Variants in NGEF observed in about 807,000 individuals in gnomAD.
NGEF encodes neuronal guanine nucleotide exchange factor, also known as ephexin-1.
A neutral mutation model predicts 80.9 loss-of-function variants in NGEF; 31 were observed. The observed-to-expected ratio is 0.38, with a 90% CI of 0.29 to 0.52. The LOEUF (loss-of-function observed/expected upper bound fraction) is 0.52, where lower values mean the gene tolerates loss of function less well. NGEF is among the 20% of genes least tolerant of loss of function. The pLI is 0.84. For synonymous variants in NGEF, 371 were observed against 370.2 expected (o/e 1.00, Z -0.03); for missense variants, 709 against 926.2 (o/e 0.77, Z 3.04).
At chr2:232,882,324 T>A in intron 12 of NGEF, 59 bp from the exon 13 acceptor site, 1 of 1,471,278 alleles carries the variant, frequency 6.8e-7, no homozygotes, top group Admixed American at 1.8e-5. Flanking sequence ...CCCCAACGTG[T>A]GGCACGAGGC....
intron 1 of NGEF, among the ~76,000 whole-genome samples, chr2:232,990,605 A>G (rs1266934792): frequency 1.3e-5 from 2 of 152,116 alleles, no homozygotes; most frequent in Non-Finnish European, 2.9e-5. Context: ...TCTCCCAAAT[A>G]TCATTAAATG....
Position 232,974,735 on chromosome 2 carries a change from CTCTTTG to C in NGEF, c.150_155del (p.Asp50_Lys51del), listed in dbSNP as rs752163881. The C allele has an allele frequency of 1.2e-6, 2 of 1,614,216 alleles. No individual in the cohort carries two copies. The highest frequency in any genetic ancestry group is 2.2e-5 in the South Asian group (2 of 91,088). Reference sequence around the variant, plus strand: ...TCTTAATTGGGATGTGGCAATGAGGCTCTTTGTCTTGGATATCCTGGTCAGCTTGAG... The same window carrying C: ...TCTTAATTGGGATGTGGCAATGAGGCTCTTGGATATCCTGGTCAGCTTGAG... On this transcript the variant is annotated inframe_deletion, in exon 2 of 15. Transcript: ENST00000264051.
At chr2:232,945,808 C>G (rs1051544101) in intron 3 of NGEF, among the ~76,000 whole-genome samples, 2 of 152,074 alleles carry the variant, frequency 1.3e-5, no homozygotes, top group Non-Finnish European at 2.9e-5. Context: ...TGGAGTCATT[C>G]TGAAATTGTT....
chr2:232,927,138 C>T lies in NGEF; in HGVS notation c.432G>A (p.Pro144=), dbSNP rs746623561. 7 of 1,611,450 alleles carry T rather than the reference C, an allele frequency of 4.3e-6. No homozygotes were observed. In the South Asian group the frequency reaches 4.4e-5, roughly 10 times the overall value. Residue 144 remains proline, a synonymous_variant, in exon 4 of 15, where the codon CCG becomes CCA. Coordinates refer to ENST00000264051, the MANE Select transcript of NGEF (RefSeq NM_019850.3). ...PGNGATPEEW[P]ALADSPTTLT... ...GCGTGGTGGGGCTGTCGGCCAGGGC[C>T]GGCCACTCCTCGGGCGTGGCCCCAT...
chr2:233,011,636 A>G (rs1388466752), intron 1 of NGEF, among the ~76,000 whole-genome samples: 4 of 150,730 alleles, frequency 2.7e-5, no homozygotes, highest in Non-Finnish European at 5.9e-5. Flanking sequence ...CAGGTTGCCC[A>G]GGTTGGAATG....
At chr2:232,943,675 T>G (rs983651194) in intron 3 of NGEF, among the ~76,000 whole-genome samples, 15 of 151,350 alleles carry the variant, frequency 9.9e-5, no homozygotes, top group African/African-American at 3.4e-4. Context: ...TTTTGTATTT[T>G]TAGTAGAGAC....
At chr2:232,945,515 A>C (rs1408027477) in intron 3 of NGEF, among the ~76,000 whole-genome samples, 3 of 152,172 alleles carry the variant, frequency 2.0e-5, no homozygotes, top group Non-Finnish European at 4.4e-5. Flanking sequence ...AGAAAGGAGA[A>C]TGCTATGTGA....
At chr2:232,972,126 T>G (rs1694207063) in intron 2 of NGEF, among the ~76,000 whole-genome samples, 1 of 152,206 alleles carries the variant, frequency 6.6e-6, no homozygotes, top group African/African-American at 2.4e-5. Context: ...TTAAGGGTAT[T>G]TGGATCAATT....
intron 5 of NGEF, among the ~76,000 whole-genome samples, chr2:232,899,880 G>C (rs1443203719): frequency 9.3e-6 from 1 of 107,664 alleles, no homozygotes; most frequent in African/African-American, 3.7e-5. Flanking sequence ...TCATATACAC[G>C]TTCACTCACA....
intron 4 of NGEF, among the ~76,000 whole-genome samples, chr2:232,921,249 G>A (rs913671223): frequency 6.6e-6 from 1 of 152,166 alleles, no homozygotes; most frequent in African/African-American, 2.4e-5. Context: ...TTGGGACACA[G>A]GGACTTCCTC....
chr2:232,882,392 A>C (rs1691532556), intron 12 of NGEF, 127 bp from the exon 13 acceptor site: 4 of 818,306 alleles, frequency 4.9e-6, no homozygotes, highest in African/African-American at 1.7e-5. Flanking sequence ...GCTCAAGCCC[A>C]CCCCAGGGAC....
At chr2:232,903,184 T>A (rs1256212578) in intron 5 of NGEF, among the ~76,000 whole-genome samples, 1 of 152,192 alleles carries the variant, frequency 6.6e-6, no homozygotes, top group Non-Finnish European at 1.5e-5. Context: ...ACAATCCCAC[T>A]TAGCAATTCC....
intron 3 of NGEF, chr2:232,928,146 G>T (rs1452258894): frequency 1.0e-6 from 1 of 987,700 alleles, no homozygotes; most frequent in Non-Finnish European, 1.2e-6. Context: ...CACCGCTGCC[G>T]AGCACTCCCG....
intron 5 of NGEF, among the ~76,000 whole-genome samples, chr2:232,896,316 G>A (rs1159039918): frequency 6.6e-6 from 1 of 152,168 alleles, no homozygotes; most frequent in Middle Eastern, 3.2e-3. Flanking sequence ...CAGACACACA[G>A]AGAAGGCACA....
At chr2:232,987,678 G>A (rs1347600812) in intron 1 of NGEF, among the ~76,000 whole-genome samples, 4 of 152,156 alleles carry the variant, frequency 2.6e-5, no homozygotes, top group Admixed American at 6.5e-5. Context: ...ATGGGAATAC[G>A]CTGCCCATGG....
intron 1 of NGEF, among the ~76,000 whole-genome samples, chr2:233,001,817 C>G (rs997153230): frequency 1.3e-5 from 2 of 151,686 alleles, no homozygotes; most frequent in Non-Finnish European, 2.9e-5. Context: ...GAGTTTGAGA[C>G]CAGCCTGGCC....
At chr2:232,900,827 C>G (rs879294821) in intron 5 of NGEF, among the ~76,000 whole-genome samples, 8 of 152,212 alleles carry the variant, frequency 5.3e-5, no homozygotes, top group African/African-American at 1.4e-4. Flanking sequence ...CAATCACCCA[C>G]AGAGGCACTG....
intron 1 of NGEF, among the ~76,000 whole-genome samples, chr2:233,003,034 C>T (rs368799063): frequency 4.2e-4 from 64 of 152,284 alleles, no homozygotes; most frequent in African/African-American, 1.3e-3. Context: ...GGAGGGTGCA[C>T]GCCTTTCACC....
chr2:232,893,126 C>T lies in NGEF; in HGVS notation c.990-76G>A, dbSNP rs1691936603. Reference sequence around the variant, plus strand: ...GAATTGTCTCACCAAGGGCAGCATGCGAGCCTGACTTGGACATTGGACATA... The same window carrying T: ...GAATTGTCTCACCAAGGGCAGCATGTGAGCCTGACTTGGACATTGGACATA... On this transcript the variant is annotated intron_variant, in intron 6 of 14. Coordinates refer to ENST00000264051, the MANE Select transcript of NGEF (RefSeq NM_019850.3). 5.4e-6 allele frequency: 8 copies of T among 1,478,558 alleles called. No individual in the cohort carries two copies. In the East Asian group the frequency reaches 6.9e-5, roughly 13 times the overall value. The allele number at this position is 1,478,558 out of a possible 1,614,324, so 91.6% of individuals were successfully genotyped here. A position where few individuals can be genotyped will look rare whatever the true frequency, so the allele number is the denominator to read the frequency against.
Sources: allele counts gnomAD v4.1 joint callset (sites outside exome capture counted in the v4.1 genomes callset), GRCh38; gene constraint gnomAD v4.1.1; transcripts MANE v1.5; gene names NCBI Gene and HGNC (gene_info 2026-07-23, HGNC 2026-07-21).